SRPK2: variants seen among roughly 807,000 people sequenced by gnomAD.
SRPK2 encodes SRSF protein kinase 2, also known as SFRS protein kinase 2.
A neutral mutation model predicts 90.8 loss-of-function variants in SRPK2; 21 were observed. That is an observed-to-expected ratio of 0.23 (90% CI 0.16 to 0.33). The LOEUF (loss-of-function observed/expected upper bound fraction) is 0.33. Among genes scored for constraint, SRPK2 ranks in the 10% least tolerant of loss-of-function variants. The pLI is 1.00. For synonymous variants in SRPK2, 288 were observed against 311.1 expected (o/e 0.93, Z 0.78); for missense variants, 620 against 869.0 (o/e 0.71, Z 3.60).
intron 2 of SRPK2, among the ~76,000 whole-genome samples, chr7:105,345,319 T>C (rs563247986): frequency 2.6e-5 from 4 of 152,308 alleles, no homozygotes; most frequent in South Asian, 2.1e-4. Flanking sequence ...AACTGTTCTA[T>C]TGATGTCAAA....
chr7:105,212,598 G>T (rs1796990442), intron 2 of SRPK2, among the ~76,000 whole-genome samples: 1 of 152,134 alleles, frequency 6.6e-6, no homozygotes, highest in Non-Finnish European at 1.5e-5. Context: ...AAGAAGCTTG[G>T]GCTCTATCCC....
chr7:105,184,136 T>C (rs532055248), intron 3 of SRPK2, among the ~76,000 whole-genome samples: 2 of 151,820 alleles, frequency 1.3e-5, no homozygotes, highest in African/African-American at 4.8e-5. Context: ...CCACCACACC[T>C]GGCTAATTTT....
chr7:105,341,381 A>AAAAAAAAAAAAC (rs1378945356), intron 2 of SRPK2, among the ~76,000 whole-genome samples: 1 of 44,946 alleles, frequency 2.2e-5, no homozygotes, highest in African/African-American at 5.9e-5. Context: ...AAAAAAAAAA[A>AAAAAAAAAAAAC]GGGGGAATGT....
At chr7:105,212,558 C>T (rs919049688) in intron 2 of SRPK2, among the ~76,000 whole-genome samples, 1 of 152,078 alleles carries the variant, frequency 6.6e-6, no homozygotes, top group Non-Finnish European at 1.5e-5. Flanking sequence ...TAGGAATAAT[C>T]CACAATTCAA....
intron 7 of SRPK2, among the ~76,000 whole-genome samples, chr7:105,154,810 GACT>G (rs1806256075): frequency 6.6e-6 from 1 of 151,806 alleles, no homozygotes; most frequent in Non-Finnish European, 1.5e-5. Context: ...GAGTAGCTGG[GACT>G]ACAAGCACGT....
In SRPK2 at chr7:105,289,293, A is replaced by T. The variant is rs376477217; in HGVS notation, c.72-85508T>A. ...TGTCTCAAAAAAAATAAATAAAAAA[A>T]AAATAAAAAATAACTTCCTTCCAGT... On this transcript the variant is annotated intron_variant, in intron 2 of 15. Transcript: ENST00000393651. Among the ~76,000 whole-genome samples, 14 of 152,132 alleles carry T rather than the reference A, an allele frequency of 9.2e-5. No individual in the cohort carries two copies. The South Asian group carries it at 1.5e-3, about 16-fold the overall frequency.
rs145760333 is a variant in SRPK2, at chr7:105,295,478, G to A, written c.72-91693C>T. On this transcript the variant is annotated intron_variant, in intron 2 of 15. Transcript: ENST00000393651. ...TTATTCAGCCACTAAAAGGAATGAAGTATGACACATGCTACAAGATGGATA... is the reference window on the plus strand; with the variant it reads ...TTATTCAGCCACTAAAAGGAATGAAATATGACACATGCTACAAGATGGATA... 1.5e-3 allele frequency among the ~76,000 whole-genome samples: 233 copies of A among 152,226 alleles called. 2 individuals carry two copies. Among genetic ancestry groups the A allele is most frequent in the Non-Finnish European group, 2.7e-3 (181 of 68,020 alleles).
At chr7:105,207,287 C>T (rs1311976953) in intron 2 of SRPK2, among the ~76,000 whole-genome samples, 1 of 152,148 alleles carries the variant, frequency 6.6e-6, no homozygotes, top group Admixed American at 6.5e-5. Context: ...CAGGTGTGTG[C>T]CACTGGGCCT....
At chr7:105,347,815 C>A (rs1378096343) in intron 2 of SRPK2, among the ~76,000 whole-genome samples, 1 of 151,354 alleles carries the variant, frequency 6.6e-6, no homozygotes, top group East Asian at 2.0e-4. Context: ...TGAGATGGCA[C>A]CACTACACTC....
intron 3 of SRPK2, among the ~76,000 whole-genome samples, chr7:105,181,891 A>AAC (rs1792877963): frequency 6.8e-6 from 1 of 147,394 alleles, no homozygotes; most frequent in African/African-American, 2.5e-5. Flanking sequence ...TAAAAAAAAA[A>AAC]AAAAACAGAA....
intron 2 of SRPK2, among the ~76,000 whole-genome samples, chr7:105,282,924 T>C (rs183423355): frequency 2.0e-5 from 3 of 147,844 alleles, no homozygotes; most frequent in Non-Finnish European, 4.5e-5. Context: ...CCAGAATATA[T>C]AAAGAACTCT....
Position 105,307,464 on chromosome 7 carries a change from G to A in SRPK2, c.71+81184C>T, listed in dbSNP as rs566356098. ...CACTGACCAGCAGGAGAGAAAAGCC[G>A]GCTTGCACCCTCACAGCCCTTGCTG... On this transcript the variant is annotated intron_variant, in intron 2 of 15. Coordinates refer to ENST00000393651, the MANE Select transcript of SRPK2 (RefSeq NM_182692.3). Among the ~76,000 whole-genome samples the A allele has an allele frequency of 9.2e-5, 14 of 152,288 alleles. No individual in the cohort carries two copies. In the South Asian group the frequency reaches 1.2e-3, roughly 14 times the overall value.
intron 2 of SRPK2, among the ~76,000 whole-genome samples, chr7:105,334,374 G>A (rs758421412): frequency 5.7e-4 from 87 of 151,826 alleles, no homozygotes; most frequent in Admixed American, 1.6e-3. Context: ...CACCACGCCC[G>A]GCCAATGCCT....
intron 2 of SRPK2, among the ~76,000 whole-genome samples, chr7:105,338,963 A>G (rs897410655): frequency 3.3e-5 from 5 of 152,198 alleles, no homozygotes; most frequent in African/African-American, 9.7e-5. Context: ...CTACACAACA[A>G]AAAGGGAGAG....
At chr7:105,389,210 C>T (rs1242309728), upstream of SRPK2, 20 of 1,173,424 alleles carry the variant, frequency 1.7e-5, no homozygotes, top group African/African-American at 8.4e-5. Flanking sequence ...CCCGCGGGAC[C>T]CTCCCTCCCC....
intron 3 of SRPK2, among the ~76,000 whole-genome samples, chr7:105,170,895 GAAAGAAAGA>G (rs1338064626): frequency 1.3e-5 from 1 of 74,944 alleles, no homozygotes; most frequent in Non-Finnish European, 2.9e-5. Context: ...AAGAAAGAAA[GAAAGAAAGA>G]AAGAAAGAAA....
At chr7:105,273,030 A>G (rs531305499) in intron 2 of SRPK2, among the ~76,000 whole-genome samples, 5 of 152,172 alleles carry the variant, frequency 3.3e-5, no homozygotes, top group African/African-American at 9.6e-5. Flanking sequence ...CCTGGCTAAC[A>G]TGGTGAAACT....
chr7:105,314,471 C>T (rs139388294), intron 2 of SRPK2, among the ~76,000 whole-genome samples: 4,560 of 152,202 alleles, frequency 0.03, 251 homozygotes, highest in African/African-American at 0.1. Context: ...ACTGCAACCT[C>T]TGCCTCCCAG....
chr7:105,265,489 G>A (rs1019853235), intron 2 of SRPK2, among the ~76,000 whole-genome samples: 4 of 151,954 alleles, frequency 2.6e-5, no homozygotes, highest in Admixed American at 2.0e-4. Flanking sequence ...GACACCAAGG[G>A]ACAACTGTAC....
Sources: allele counts gnomAD v4.1 joint callset (sites outside exome capture counted in the v4.1 genomes callset), GRCh38; gene constraint gnomAD v4.1.1; transcripts MANE v1.5; gene names NCBI Gene and HGNC (gene_info 2026-07-23, HGNC 2026-07-21).